Variants in MARK1 observed in about 807,000 individuals in gnomAD.
MARK1 encodes the protein microtubule affinity regulating kinase 1.
A neutral mutation model predicts 96.3 loss-of-function variants in MARK1; 40 were observed. That is an observed-to-expected ratio of 0.42 (90% CI 0.32 to 0.54). The LOEUF (loss-of-function observed/expected upper bound fraction) is 0.54, where lower values mean the gene tolerates loss of function less well. Ranked by LOEUF, MARK1 falls within the 20% of genes least tolerant of loss-of-function variation. MARK1 has a pLI of 0.16. For synonymous variants in MARK1, 317 were observed against 341.2 expected (o/e 0.93, Z 0.78); for missense variants, 719 against 984.6 (o/e 0.73, Z 3.61).
chr1:220,653,692 A>G (rs1032155339), intron 16 of MARK1, among the ~76,000 whole-genome samples: 2 of 152,164 alleles, frequency 1.3e-5, no homozygotes, highest in Non-Finnish European at 2.9e-5. Context: ...GTTTCCTTCA[A>G]ATTTATCTTG....
intron 17 of MARK1, among the ~76,000 whole-genome samples, chr1:220,660,573 G>T (rs1647446490): frequency 1.3e-5 from 2 of 151,994 alleles, no homozygotes; most frequent in Non-Finnish European, 2.9e-5. Flanking sequence ...AGTGAGATAG[G>T]TTAACAAGTT....
At chr1:220,544,627 A>G (rs896348162) in intron 1 of MARK1, among the ~76,000 whole-genome samples, 1 of 152,226 alleles carries the variant, frequency 6.6e-6, no homozygotes, top group Admixed American at 6.5e-5. Flanking sequence ...TAGCAACGGA[A>G]AAGAGATTAA....
intron 1 of MARK1, among the ~76,000 whole-genome samples, chr1:220,534,000 A>G (rs1003983290): frequency 3.3e-5 from 5 of 152,002 alleles, no homozygotes; most frequent in Admixed American, 2.0e-4. Flanking sequence ...CTGTTAACCT[A>G]TCTGTTGAAT....
intron 1 of MARK1, among the ~76,000 whole-genome samples, chr1:220,541,589 TG>T (rs1311849276): frequency 2.0e-5 from 3 of 152,224 alleles, no homozygotes; most frequent in African/African-American, 7.2e-5. Context: ...GTTCTGATGT[TG>T]GGTACATATG....
chr1:220,583,154 T>C (rs1024602763), intron 3 of MARK1, among the ~76,000 whole-genome samples: 4 of 152,190 alleles, frequency 2.6e-5, no homozygotes, highest in Admixed American at 1.3e-4. Flanking sequence ...TTCCATGTCT[T>C]AGGTATACTC....
At chr1:220,661,203 G>A (rs1398081146) in intron 17 of MARK1, among the ~76,000 whole-genome samples, 3 of 152,112 alleles carry the variant, frequency 2.0e-5, no homozygotes, top group Non-Finnish European at 2.9e-5. Context: ...TGGGATTGGG[G>A]GTAGTAGGAG....
At chr1:220,636,632 T>C (rs968116364) in intron 13 of MARK1, among the ~76,000 whole-genome samples, 2 of 152,032 alleles carry the variant, frequency 1.3e-5, no homozygotes, top group African/African-American at 2.4e-5. Context: ...GATTTCATTT[T>C]GAAAAGACCC....
intron 3 of MARK1, among the ~76,000 whole-genome samples, chr1:220,589,313 C>A (rs964596412): frequency 6.6e-6 from 1 of 152,052 alleles, no homozygotes. Context: ...AAATGACAGA[C>A]TTTTTCATCA....
At chr1:220,597,907 C>G (rs1335928390) in intron 3 of MARK1, among the ~76,000 whole-genome samples, 1 of 152,108 alleles carries the variant, frequency 6.6e-6, no homozygotes, top group Non-Finnish European at 1.5e-5. Flanking sequence ...TCTGATCAGT[C>G]AGAAGAGATG....
chr1:220,608,699 T>G (rs1455476338), intron 6 of MARK1, among the ~76,000 whole-genome samples: 1 of 152,206 alleles, frequency 6.6e-6, no homozygotes, highest in Non-Finnish European at 1.5e-5. Flanking sequence ...CATTTAGTGC[T>G]ACACATTCCC....
intron 3 of MARK1, among the ~76,000 whole-genome samples, chr1:220,590,916 A>C (rs187348184): frequency 6.6e-6 from 1 of 152,110 alleles, no homozygotes; most frequent in Non-Finnish European, 1.5e-5. Flanking sequence ...TAGGAACCCA[A>C]TGGCTGTGTA....
At chr1:220,639,406 A>G (rs1326621208) in intron 13 of MARK1, among the ~76,000 whole-genome samples, 1 of 152,196 alleles carries the variant, frequency 6.6e-6, no homozygotes, top group Admixed American at 6.5e-5. Flanking sequence ...GGGTCCTTCT[A>G]GATCGGAACA....
At chr1:220,640,551 A>G (rs1450823165) in intron 13 of MARK1, among the ~76,000 whole-genome samples, 1 of 152,206 alleles carries the variant, frequency 6.6e-6, no homozygotes, top group Admixed American at 6.5e-5. Context: ...CAACCATCAC[A>G]GACTAGAAAT....
intron 13 of MARK1, among the ~76,000 whole-genome samples, chr1:220,639,168 A>G (rs541013524): frequency 1.3e-5 from 2 of 152,038 alleles, no homozygotes; most frequent in African/African-American, 4.8e-5. Flanking sequence ...AGGAGGGAGG[A>G]TGACTTGAGC....
intron 1 of MARK1, among the ~76,000 whole-genome samples, chr1:220,573,936 A>G (rs767575000): frequency 6.6e-6 from 1 of 152,032 alleles, no homozygotes; most frequent in Non-Finnish European, 1.5e-5. Context: ...TTCTGCTAAC[A>G]TTTCCCATAT....
chr1:220,569,268 A>G (rs955718791), intron 1 of MARK1, among the ~76,000 whole-genome samples: 1 of 152,146 alleles, frequency 6.6e-6, no homozygotes, highest in African/African-American at 2.4e-5. Flanking sequence ...TTTTAAAATT[A>G]ACCATTTTCC....
At chr1:220,535,702 T>C (rs940411250) in intron 1 of MARK1, among the ~76,000 whole-genome samples, 2 of 152,154 alleles carry the variant, frequency 1.3e-5, no homozygotes, top group African/African-American at 4.8e-5. Context: ...TGATATAAAA[T>C]GAGGGTCCAG....
intron 6 of MARK1, among the ~76,000 whole-genome samples, chr1:220,609,623 A>G (rs913592636): frequency 5.3e-5 from 8 of 152,090 alleles, no homozygotes; most frequent in South Asian, 2.1e-4. Context: ...ATTTTGCCCA[A>G]TAATTGATGC....
At chr1:220,576,159 C>T (rs916216510) in intron 1 of MARK1, among the ~76,000 whole-genome samples, 4 of 150,784 alleles carry the variant, frequency 2.7e-5, no homozygotes, top group African/African-American at 7.3e-5. Flanking sequence ...CTGACATTGC[C>T]GTGTAACAAA....
Sources: gnomAD v4.1 joint callset for allele counts (sites outside exome capture counted in the v4.1 genomes callset) on GRCh38, gnomAD v4.1.1 for gene constraint, MANE v1.5 for transcripts, NCBI Gene and HGNC (gene_info 2026-07-23, HGNC 2026-07-21) for gene names.